The following CHD9 variants were observed in gnomAD, a reference collection of about 807,000 sequenced individuals.
CHD9 encodes the protein chromodomain helicase DNA binding protein 9.
In CHD9, 77 loss-of-function variants were observed where a neutral mutation model predicts 316.1. The ratio of observed to expected loss-of-function variants is 0.24; its 90% CI spans 0.20 to 0.29. The LOEUF is 0.29. Among genes scored for constraint, CHD9 ranks in the 10% least tolerant of loss-of-function variants. The probability of loss-of-function intolerance (pLI) is 1.00; values close to 1 mark genes in which losing one functional copy is unlikely to be tolerated. For synonymous variants in CHD9, 1,129 were observed against 1,158.3 expected (o/e 0.97, Z 0.51); for missense variants, 2,763 against 3,438.1 (o/e 0.80, Z 4.91).
At chr16:53,188,180 A>T (rs1008402418) in intron 2 of CHD9, among the ~76,000 whole-genome samples, 2 of 152,200 alleles carry the variant, frequency 1.3e-5, no homozygotes, top group Non-Finnish European at 2.9e-5. Context: ...TTCATTTTTA[A>T]TTGCCAAATA....
At chr16:53,208,774 C>A in intron 2 of CHD9, 2 of 887,528 alleles carry the variant, frequency 2.3e-6, no homozygotes, top group Non-Finnish European at 1.4e-6. Flanking sequence ...AGAGGAAATT[C>A]TTTTTAAAAT....
Position 53,157,140 on chromosome 16 carries a change from A to G in CHD9, c.1051A>G (p.Asn351Asp). Residue 351 changes from asparagine (N) to aspartate (D), a missense_variant, in exon 2 of 39, where the codon AAT (asparagine) becomes GAT (aspartate). This residue lies in a region of CHD9 where 859 missense variants were observed against 890.4 expected (regional missense o/e 0.96). Transcript: ENST00000447540. Reference sequence around the variant, plus strand: ...ATCACATCCTCAGGGTAATTATAGCAATTCAAAATTATCTCCTGTGCACAT... The same window carrying G: ...ATCACATCCTCAGGGTAATTATAGCGATTCAAAATTATCTCCTGTGCACAT... ...HSSHPQGNYS[N>D]SKLSPVHMNF... The G allele has an allele frequency of 6.2e-7, 1 of 1,609,978 alleles. No individual in the cohort carries two copies. Among genetic ancestry groups the G allele is most frequent in the Non-Finnish European group, 8.5e-7 (1 of 1,177,772 alleles).
At chr16:53,241,795 C>T (rs1328060624) in intron 12 of CHD9, among the ~76,000 whole-genome samples, 1 of 152,170 alleles carries the variant, frequency 6.6e-6, no homozygotes, top group Admixed American at 6.6e-5. Context: ...TAACTGTTCT[C>T]CATGATCCTG....
intron 29 of CHD9, 138 bp from the exon 30 acceptor site, chr16:53,296,818 A>G: frequency 1.7e-6 from 1 of 583,608 alleles, no homozygotes; most frequent in Non-Finnish European, 2.9e-6. Flanking sequence ...AATGTTTTAC[A>G]AGGCAGCAAG....
intron 31 of CHD9, among the ~76,000 whole-genome samples, 167 bp from the exon 32 acceptor site, chr16:53,306,070 A>G (rs1423858073): frequency 6.6e-6 from 1 of 152,026 alleles, no homozygotes; most frequent in Non-Finnish European, 1.5e-5. Context: ...AATAATAATG[A>G]TAGGTGCTTT....
At chr16:53,208,444 G>A in intron 2 of CHD9, 11 of 1,216,068 alleles carry the variant, frequency 9.0e-6, no homozygotes, top group South Asian at 5.9e-5. Flanking sequence ...CTGCTGCTAC[G>A]GGAGTCGTAC....
chr16:53,312,260 T>G (rs1481709742), intron 34 of CHD9, among the ~76,000 whole-genome samples: 1 of 152,196 alleles, frequency 6.6e-6, no homozygotes, highest in African/African-American at 2.4e-5. Flanking sequence ...ATCTCTTCCT[T>G]TTAGTTGATT....
chr16:53,262,236 A>G (rs1345146944), intron 19 of CHD9, among the ~76,000 whole-genome samples: 4 of 152,116 alleles, frequency 2.6e-5, no homozygotes, highest in Non-Finnish European at 4.4e-5. Context: ...AAGCATTTTG[A>G]TGACATTTTT....
intron 31 of CHD9, 71 bp downstream of exon 31, chr16:53,304,696 T>C: frequency 1.0e-6 from 1 of 971,306 alleles, no homozygotes; most frequent in Non-Finnish European, 1.3e-6. Flanking sequence ...TTCTTTTCTT[T>C]TTTTTTTTTT....
At chr16:53,188,602 CTTTTTTTTTTTTTTT>C (rs369979479) in intron 2 of CHD9, among the ~76,000 whole-genome samples, 4 of 71,236 alleles carry the variant, frequency 5.6e-5, no homozygotes, top group Non-Finnish European at 1.1e-4. Context: ...TGGTCATTAC[CTTTTTTTTTTTTTTT>C]TTTTTTTTTT....
chr16:53,124,826 C>T (rs548173496), intron 1 of CHD9, among the ~76,000 whole-genome samples: 1 of 151,818 alleles, frequency 6.6e-6, no homozygotes, highest in Non-Finnish European at 1.5e-5. Context: ...GACCCACCCT[C>T]ATGATTTAAT....
chr16:53,273,658 G>C lies in CHD9; in HGVS notation c.4750G>C (p.Gly1584Arg). The change falls in exon 23 of 39, where the codon GGG (glycine) becomes CGG (arginine). Residue 1584 changes from glycine to arginine, a missense_variant. Transcript: ENST00000447540. ...LSAPVPRGRKGKKVKTQTSSF... is the reference protein window; with the variant it reads ...LSAPVPRGRKRKKVKTQTSSF... ...AGCTCCTGTACCCAGGGGTCGAAAA[G>C]GGAAGAAAGTAAAAACTCAAACAAG... 6.2e-7 allele frequency: 1 copy of C among 1,612,288 alleles called. No homozygotes were observed. The highest frequency in any genetic ancestry group is 8.5e-7 in the Non-Finnish European group (1 of 1,178,960).
At chr16:53,313,455 G>A (rs941039881) in intron 34 of CHD9, among the ~76,000 whole-genome samples, 9 of 151,986 alleles carry the variant, frequency 5.9e-5, no homozygotes, top group South Asian at 2.1e-4. Context: ...ACAGGTGCCC[G>A]CCACCACGCC....
intron 1 of CHD9, among the ~76,000 whole-genome samples, chr16:53,066,207 A>G (rs1335153909): frequency 6.6e-6 from 1 of 152,184 alleles, no homozygotes; most frequent in Non-Finnish European, 1.5e-5. Context: ...GCTGAAATAT[A>G]GAATCGGCAG....
chr16:53,088,996 C>T (rs2035705696), intron 1 of CHD9, among the ~76,000 whole-genome samples: 1 of 152,084 alleles, frequency 6.6e-6, no homozygotes, highest in South Asian at 2.1e-4. Flanking sequence ...CCTGTAGTCC[C>T]AGCTACTCAG....
intron 1 of CHD9, among the ~76,000 whole-genome samples, chr16:53,096,232 G>A (rs1245473302): frequency 6.6e-6 from 1 of 151,860 alleles, no homozygotes; most frequent in African/African-American, 2.4e-5. Flanking sequence ...CAAGACGTAA[G>A]GATTTAATGA....
intron 10 of CHD9, 41 bp downstream of exon 10, chr16:53,231,825 T>A (rs773751825): frequency 6.5e-7 from 1 of 1,527,334 alleles, no homozygotes; most frequent in South Asian, 1.3e-5. Context: ...ATCTTAGCAC[T>A]TGTTTATGTA....
chr16:53,259,861 A>G (rs1000844955), intron 19 of CHD9, among the ~76,000 whole-genome samples: 5 of 152,128 alleles, frequency 3.3e-5, no homozygotes, highest in African/African-American at 1.2e-4. Flanking sequence ...GCAAATACTC[A>G]TTTACCAGAT....
intron 30 of CHD9, among the ~76,000 whole-genome samples, chr16:53,302,719 G>T (rs2055559626): frequency 6.6e-6 from 1 of 152,030 alleles, no homozygotes; most frequent in African/African-American, 2.4e-5. Flanking sequence ...TATCAGTATG[G>T]ATTCATGGGT....
Sources: allele counts gnomAD v4.1 joint callset (sites outside exome capture counted in the v4.1 genomes callset), GRCh38; gene constraint gnomAD v4.1.1; regional missense constraint gnomAD v4.1.1; transcripts MANE v1.5; gene names NCBI Gene and HGNC (gene_info 2026-07-23, HGNC 2026-07-21).